PPP2R2D: variants seen among roughly 807,000 people sequenced by gnomAD.
PPP2R2D encodes serine/threonine-protein phosphatase 2A 55 kDa regulatory subunit B delta isoform.
PPP2R2D carries 9 observed loss-of-function variants against 31.1 expected under a neutral mutation model. The ratio of observed to expected loss-of-function variants is 0.29; its 90% CI spans 0.17 to 0.51. The LOEUF (loss-of-function observed/expected upper bound fraction) is 0.51. Ranked by LOEUF, PPP2R2D falls within the 20% of genes least tolerant of loss-of-function variation. PPP2R2D has a pLI of 0.98. For missense variants in PPP2R2D, 391 were observed against 465.6 expected (o/e 0.84, Z 1.48); for synonymous variants, 179 against 172.6 (o/e 1.04, Z -0.29).
At chr10:131,965,738 G>A in the PPP2R2D span, among the ~76,000 whole-genome samples, 40 of 152,326 alleles carry the variant, frequency 2.6e-4, 1 homozygote, top group Admixed American at 2.5e-3. Flanking sequence ...GAGCCACAGC[G>A]CCTGGCCGGG....
downstream of PPP2R2D, among the ~76,000 whole-genome samples, chr10:131,963,510 G>C (rs782109696): frequency 4.6e-5 from 7 of 152,184 alleles, no homozygotes; most frequent in Non-Finnish European, 1.0e-4. Flanking sequence ...GTAGCATCCT[G>C]TGCATGCCGT....
intron 2 of PPP2R2D, among the ~76,000 whole-genome samples, chr10:131,919,331 TCAGG>T (rs2035914199): frequency 8.8e-6 from 1 of 113,806 alleles, no homozygotes; most frequent in African/African-American, 3.6e-5. Flanking sequence ...TGTAGGGACC[TCAGG>T]CGGGTGGAAT....
At chr10:131,962,131 T>A (rs1554901547), downstream of PPP2R2D, among the ~76,000 whole-genome samples, 1 of 152,218 alleles carries the variant, frequency 6.6e-6, no homozygotes, top group African/African-American at 2.4e-5. Flanking sequence ...TTTCTTAATA[T>A]AACAGAAACT....
chr10:131,970,462 G>T, the PPP2R2D span: 1 of 931,074 alleles, frequency 1.1e-6, no homozygotes, highest in African/African-American at 1.7e-5. This position sits in a 1 kb window ranked among gnomAD's most constrained non-coding sequence, Gnocchi z 4.1. Flanking sequence ...GGGGCCTTTG[G>T]GGGCTGCAGG....
At chr10:131,971,135 T>C in the PPP2R2D span, 1 of 656,858 alleles carries the variant, frequency 1.5e-6, no homozygotes, top group Non-Finnish European at 2.6e-6. Context: ...GCTGGGGGCC[T>C]TCCCCGGGCC....
At chr10:131,968,623 T>G in the PPP2R2D span, 1 of 1,485,668 alleles carries the variant, frequency 6.7e-7, no homozygotes, top group Non-Finnish European at 9.4e-7. Flanking sequence ...CAGGAGACTG[T>G]GTTACAGCTG....
At chr10:131,926,591 G>A (rs138817599) in intron 2 of PPP2R2D, among the ~76,000 whole-genome samples, 19 of 152,334 alleles carry the variant, frequency 1.2e-4, no homozygotes, top group African/African-American at 4.6e-4. Flanking sequence ...CTGTTGCTGA[G>A]CTCACCGCCT....
the PPP2R2D span, chr10:131,971,463 T>A: frequency 1.9e-5 from 3 of 159,918 alleles, no homozygotes; most frequent in African/African-American, 4.8e-5. Flanking sequence ...AATGTCCACA[T>A]AACCACAGCT....
At chr10:131,932,964 G>A (rs183586774) in intron 2 of PPP2R2D, among the ~76,000 whole-genome samples, 2 of 152,266 alleles carry the variant, frequency 1.3e-5, no homozygotes, top group Admixed American at 1.3e-4. Context: ...CACTGACAGA[G>A]CTAGAATACA....
At chr10:131,902,803 A>C (rs2035521702) in intron 2 of PPP2R2D, among the ~76,000 whole-genome samples, 1 of 152,148 alleles carries the variant, frequency 6.6e-6, no homozygotes, top group South Asian at 2.1e-4. Flanking sequence ...GGCTGGATGG[A>C]GTGCAGTGGT....
chr10:131,914,170 A>T (rs1364325534), intron 2 of PPP2R2D, among the ~76,000 whole-genome samples: 2 of 152,236 alleles, frequency 1.3e-5, no homozygotes, highest in Non-Finnish European at 2.9e-5. Context: ...GGTGGTGAGT[A>T]AAAGAGTTAA....
At chr10:131,928,850 G>A (rs1032817050) in intron 2 of PPP2R2D, among the ~76,000 whole-genome samples, 1 of 152,220 alleles carries the variant, frequency 6.6e-6, no homozygotes, top group Non-Finnish European at 1.5e-5. Context: ...CAGGGGAGAC[G>A]GGTCAGACGG....
At chr10:131,916,468 A>C (rs764754288) in intron 2 of PPP2R2D, among the ~76,000 whole-genome samples, 88 of 152,026 alleles carry the variant, frequency 5.8e-4, no homozygotes, top group Non-Finnish European at 1.1e-3. Flanking sequence ...TGTAGCTATC[A>C]CCACTACCTG....
At position 131,947,901 on chromosome 10, in the gene PPP2R2D, G is replaced by C. The variant is rs1477140012; in HGVS notation, c.1082+110G>C. 2 of 1,393,606 alleles carry C rather than the reference G, an allele frequency of 1.4e-6. No homozygotes were observed. Among genetic ancestry groups the C allele is most frequent in the Non-Finnish European group, 2.0e-6 (2 of 1,021,998 alleles). 86.3% of individuals were successfully genotyped at this position (1,393,606 alleles called of 1,614,324 possible). ...CCAGCGTCAGAGGAGGACGCTCATA[G>C]GGTGTTGTTTTCCAGACCTTTTGAT... On this transcript the variant is annotated intron_variant, in intron 8 of 8. Transcript: ENST00000455566. The surrounding 1 kb of genome is among the most constrained non-coding windows in gnomAD (Gnocchi z 4.3).
intron 5 of PPP2R2D, 66 bp downstream of exon 5, chr10:131,940,760 T>A: frequency 1.4e-6 from 1 of 712,894 alleles, no homozygotes; most frequent in Non-Finnish European, 2.6e-6. Flanking sequence ...CAGTCTGCTG[T>A]CTGGAGAGTG....
At chr10:131,951,421 C>G (rs1318195129) in intron 8 of PPP2R2D, among the ~76,000 whole-genome samples, 18 of 152,198 alleles carry the variant, frequency 1.2e-4, no homozygotes, top group Admixed American at 9.8e-4. Context: ...CATGGATCAC[C>G]TAGGTGGATC....
In PPP2R2D at chr10:131,956,456, C is replaced by T. The variant is rs1554900030; in HGVS notation, c.*493C>T. The T allele has an allele frequency of 1.7e-5, 17 of 985,520 alleles. No individual in the cohort carries two copies. The Admixed American group carries it at 1.8e-4, about 11-fold the overall frequency. The allele number at this position is 985,520 out of a possible 1,614,324, so 61.0% of individuals were successfully genotyped here. A position where few individuals can be genotyped will look rare whatever the true frequency, so the allele number is the denominator to read the frequency against. On this transcript the variant is annotated 3_prime_UTR_variant, in exon 9 of 9. Transcript: ENST00000455566. ...TGTGTGGATGTGGCCCGAGCAGGCT[C>T]AGGCGGCCCCACTCACCCACAGCAT...
chr10:131,907,209 G>A (rs1240728056), intron 2 of PPP2R2D, among the ~76,000 whole-genome samples: 1 of 149,860 alleles, frequency 6.7e-6, no homozygotes, highest in East Asian at 1.9e-4. Flanking sequence ...TTTTTTTTTT[G>A]GTCTTAATGG....
At chr10:131,911,313 T>A (rs1201380775) in intron 2 of PPP2R2D, among the ~76,000 whole-genome samples, 1 of 152,220 alleles carries the variant, frequency 6.6e-6, no homozygotes, top group Non-Finnish European at 1.5e-5. Context: ...TCTGGTGTCC[T>A]AAGTGTGCTG....
Sources: gnomAD v4.1 joint callset for allele counts (sites outside exome capture counted in the v4.1 genomes callset) on GRCh38, gnomAD v4.1.1 for gene constraint, Gnocchi (gnomAD v3.1) non-coding constraint, MANE v1.5 for transcripts, NCBI Gene and HGNC (gene_info 2026-07-23, HGNC 2026-07-21) for gene names.